Variants in COL4A2 observed in about 807,000 individuals in gnomAD.
COL4A2 encodes collagen type IV alpha 2 chain.
In COL4A2, 99 loss-of-function variants were observed where a neutral mutation model predicts 200.2. The ratio of observed to expected loss-of-function variants is 0.49; its 90% CI spans 0.42 to 0.58. COL4A2 has a LOEUF of 0.58. Ranked by LOEUF, COL4A2 falls within the 20% of genes least tolerant of loss-of-function variation. COL4A2 has a pLI of 0.00. For synonymous variants in COL4A2, 897 were observed against 900.6 expected, an observed-to-expected ratio of 1.00 and a Z score of 0.07; for missense variants, 1,950 against 2,314.1, an observed-to-expected ratio of 0.84 and a Z score of 3.23.
chr13:110,471,460 C>T (rs538834433), intron 28 of COL4A2, among the ~76,000 whole-genome samples: 2 of 152,328 alleles, frequency 1.3e-5, no homozygotes, highest in African/African-American at 4.8e-5. Flanking sequence ...TCGCCACATG[C>T]AGAAGAGGAT....
intron 3 of COL4A2, among the ~76,000 whole-genome samples, chr13:110,314,638 G>A (rs1028886564): frequency 1.3e-5 from 2 of 152,194 alleles, no homozygotes; most frequent in African/African-American, 2.4e-5. Flanking sequence ...TGGCCGCTCC[G>A]TTGTTTCCTG....
At chr13:110,469,406 T>C (rs1352256343) in intron 28 of COL4A2, 82 bp downstream of exon 28, 2 of 1,361,464 alleles carry the variant, frequency 1.5e-6, no homozygotes, top group East Asian at 2.5e-5. Context: ...AGCTCTATTA[T>C]CTTCCACTTT....
intron 4 of COL4A2, among the ~76,000 whole-genome samples, chr13:110,394,951 G>A (rs1879133361): frequency 2.6e-5 from 4 of 152,212 alleles, no homozygotes; most frequent in South Asian, 4.1e-4. Context: ...GCAGACACAT[G>A]TCAAATTATC....
intron 4 of COL4A2, among the ~76,000 whole-genome samples, chr13:110,415,528 T>A (rs1288214851): frequency 5.9e-5 from 9 of 152,234 alleles, no homozygotes; most frequent in Admixed American, 5.9e-4. Flanking sequence ...TGCCCCACTT[T>A]TGGCTCGTAA....
At chr13:110,504,354 G>A in intron 45 of COL4A2, 90 bp downstream of exon 45, 3 of 1,082,518 alleles carry the variant, frequency 2.8e-6, no homozygotes, top group Non-Finnish European at 1.4e-6. Flanking sequence ...ACACACGAGA[G>A]CCCAGAAAAG....
chr13:110,397,871 AAG>A (rs1879235170), intron 4 of COL4A2, among the ~76,000 whole-genome samples: 1 of 152,224 alleles, frequency 6.6e-6, no homozygotes, highest in South Asian at 2.1e-4. Flanking sequence ...GTCCAACAGA[AAG>A]AGTCACAAAC....
At chr13:110,363,271 G>A (rs1039283991) in intron 4 of COL4A2, among the ~76,000 whole-genome samples, 10 of 152,190 alleles carry the variant, frequency 6.6e-5, no homozygotes, top group South Asian at 4.1e-4. Context: ...GGAAGGTTGC[G>A]ATTGACAAGC....
rs374262602 is a variant in COL4A2 at position 110,334,489 on chromosome 13, A to G, written c.100-22983A>G. On this transcript the variant is annotated intron_variant, in intron 3 of 47. Coordinates refer to ENST00000360467, the MANE Select transcript of COL4A2 (RefSeq NM_001846.4). Reference sequence around the variant, plus strand: ...AGAAAGAGTGTTCATGCTCATTTCTACTAAAATCCAGGTTTCGCACTTGGA... The same window carrying G: ...AGAAAGAGTGTTCATGCTCATTTCTGCTAAAATCCAGGTTTCGCACTTGGA... 4.6e-5 allele frequency among the ~76,000 whole-genome samples: 7 copies of G among 152,340 alleles called. No individual in the cohort carries two copies. In the South Asian group the frequency reaches 1.2e-3, roughly 27 times the overall value.
chr13:110,387,793 C>T (rs1006045140), intron 4 of COL4A2, among the ~76,000 whole-genome samples: 1 of 152,206 alleles, frequency 6.6e-6, no homozygotes, highest in African/African-American at 2.4e-5. Context: ...CTCCCCAGGC[C>T]CCTCCCGCCC....
chr13:110,448,196 G>A (rs561925050), intron 18 of COL4A2, among the ~76,000 whole-genome samples: 2 of 152,106 alleles, frequency 1.3e-5, no homozygotes, highest in Non-Finnish European at 2.9e-5. Flanking sequence ...AATAATTTTG[G>A]TAAAAAGGAA....
intron 8 of COL4A2, chr13:110,430,173 C>G: frequency 2.9e-6 from 2 of 679,870 alleles, no homozygotes; most frequent in Non-Finnish European, 4.4e-6. Context: ...TCACAATACT[C>G]CAAGCCAAAT....
intron 17 of COL4A2, 25 bp downstream of exon 17, chr13:110,445,907 C>T: frequency 6.2e-7 from 1 of 1,613,778 alleles, no homozygotes; most frequent in East Asian, 2.2e-5. Flanking sequence ...CATGTCTTTG[C>T]CACTTATGGT....
At chr13:110,363,408 C>T (rs906474191) in intron 4 of COL4A2, among the ~76,000 whole-genome samples, 2 of 152,160 alleles carry the variant, frequency 1.3e-5, no homozygotes, top group Non-Finnish European at 2.9e-5. Flanking sequence ...AGTCCTTAGC[C>T]TCACCAGATT....
rs7996798 is a variant in COL4A2, at chr13:110,449,405, A to T, written c.1079-274A>T. Reference sequence around the variant, plus strand: ...AGTGAGGCCTCCTCGCTCCCAGGCCACCAGCAGAATTGGCAACCACATTAG... The same window carrying T: ...AGTGAGGCCTCCTCGCTCCCAGGCCTCCAGCAGAATTGGCAACCACATTAG... On this transcript the variant is annotated intron_variant, in intron 18 of 47. Transcript: ENST00000360467. Among the ~76,000 whole-genome samples, 65,345 of 151,888 alleles carry T rather than the reference A, an allele frequency of 0.43. 14,312 individuals are homozygous for T. Among genetic ancestry groups the T allele is most frequent in the South Asian group, 0.49 (2,335 of 4,808 alleles).
At chr13:110,452,195 A>G (rs1404072585) in intron 20 of COL4A2, among the ~76,000 whole-genome samples, 2 of 152,186 alleles carry the variant, frequency 1.3e-5, no homozygotes, top group Non-Finnish European at 2.9e-5. Context: ...GTGCAGTGGC[A>G]TGACCTCGGC....
At chr13:110,361,519 G>A (rs1877513135) in intron 4 of COL4A2, among the ~76,000 whole-genome samples, 1 of 152,172 alleles carries the variant, frequency 6.6e-6, no homozygotes, top group Non-Finnish European at 1.5e-5. Context: ...TGGTACCCCA[G>A]TTCATCTGTG....
At chr13:110,418,358 A>T (rs955708838) in intron 4 of COL4A2, among the ~76,000 whole-genome samples, 2 of 152,146 alleles carry the variant, frequency 1.3e-5, no homozygotes, top group African/African-American at 4.8e-5. Context: ...TGACAATCAA[A>T]CTTTTTAAAT....
At chr13:110,443,849 G>C (rs371711586) in intron 16 of COL4A2, among the ~76,000 whole-genome samples, 1 of 152,142 alleles carries the variant, frequency 6.6e-6, no homozygotes, top group Admixed American at 6.5e-5. Flanking sequence ...CCATCCCTGC[G>C]CCTCCCCGAC....
intron 3 of COL4A2, among the ~76,000 whole-genome samples, chr13:110,330,144 G>T (rs568969182): frequency 9.2e-5 from 14 of 152,270 alleles, no homozygotes; most frequent in African/African-American, 3.4e-4. Flanking sequence ...GCTTTCCACG[G>T]CCCCTTTAAC....
Sources: gnomAD v4.1 joint callset for allele counts (sites outside exome capture counted in the v4.1 genomes callset) on GRCh38, gnomAD v4.1.1 for gene constraint, MANE v1.5 for transcripts, NCBI Gene and HGNC (gene_info 2026-07-23, HGNC 2026-07-21) for gene names.